KCNJ6: variants seen among roughly 807,000 people sequenced by gnomAD.
KCNJ6 encodes potassium inwardly rectifying channel subfamily J member 6.
KCNJ6 carries 9 observed loss-of-function variants against 34.2 expected under a neutral mutation model. That is an observed-to-expected ratio of 0.26 (90% CI 0.16 to 0.46). KCNJ6 has a LOEUF of 0.46. KCNJ6 is among the 20% of genes least tolerant of loss of function. The pLI is 1.00. For synonymous variants in KCNJ6, 196 were observed against 207.1 expected (o/e 0.95, Z 0.46); for missense variants, 236 against 531.3 (o/e 0.44, Z 5.46).
chr21:37,828,618 T>A (rs1030642267), intron 2 of KCNJ6, among the ~76,000 whole-genome samples: 1 of 152,352 alleles, frequency 6.6e-6, no homozygotes, highest in Admixed American at 6.5e-5. Flanking sequence ...GGTGTTTGCA[T>A]CAGTCCCGGT....
intron 2 of KCNJ6, among the ~76,000 whole-genome samples, chr21:37,794,134 C>G (rs1160138222): frequency 6.6e-6 from 1 of 152,092 alleles, no homozygotes; most frequent in Non-Finnish European, 1.5e-5. Flanking sequence ...TTCTTTTTTC[C>G]TTAACATGTA....
At chr21:37,883,359 A>T (rs1456261316) in intron 1 of KCNJ6, among the ~76,000 whole-genome samples, 1 of 152,264 alleles carries the variant, frequency 6.6e-6, no homozygotes, top group East Asian at 1.9e-4. Context: ...TTACAAAAAC[A>T]AGTGGTCTTG....
chr21:37,745,480 C>A (rs2054963290), intron 2 of KCNJ6, among the ~76,000 whole-genome samples: 1 of 151,968 alleles, frequency 6.6e-6, no homozygotes, highest in Admixed American at 6.6e-5. Context: ...GTGCAGGTGG[C>A]CTGTAGAATC....
intron 3 of KCNJ6, among the ~76,000 whole-genome samples, chr21:37,669,932 C>A (rs562576191): frequency 6.6e-6 from 1 of 152,228 alleles, no homozygotes; most frequent in East Asian, 1.9e-4. Flanking sequence ...AGCTAAGAAT[C>A]CATTGATGAA....
chr21:37,776,472 T>C lies in KCNJ6; in HGVS notation c.26-61341A>G, dbSNP rs557741810. On this transcript the variant is annotated intron_variant, in intron 2 of 3. Transcript: ENST00000609713. The stretch of plus-strand genomic sequence containing the variant: ...CAGTTTTTGCCCATTAAGTATGATA[T>C]TGGCTGTGGGTTTGTTCATAGATAG... Among the ~76,000 whole-genome samples, 110 of 119,362 alleles carry C rather than the reference T, an allele frequency of 9.2e-4. 1 individual carries two copies. The highest frequency in any genetic ancestry group is 1.5e-3 in the Non-Finnish European group (79 of 51,944). 78.3% of individuals were successfully genotyped at this position (119,362 alleles called of 152,430 possible). A position where few individuals can be genotyped will look rare whatever the true frequency, so the allele number is the denominator to read the frequency against.
chr21:37,772,259 C>T (rs1400735735), intron 2 of KCNJ6, among the ~76,000 whole-genome samples: 6 of 152,100 alleles, frequency 3.9e-5, no homozygotes, highest in African/African-American at 9.6e-5. Flanking sequence ...CAGAGCACGC[C>T]GAGACAATTT....
At chr21:37,740,697 A>G (rs2054936844) in intron 2 of KCNJ6, among the ~76,000 whole-genome samples, 1 of 152,112 alleles carries the variant, frequency 6.6e-6, no homozygotes, top group Non-Finnish European at 1.5e-5. Flanking sequence ...CTCTTCAAAT[A>G]TTTTACAGAG....
rs1335620488 is a variant in KCNJ6, at chr21:37,617,130, T to TC, written c.*8028dup. The TC allele has an allele frequency of 7.0e-5, 8 of 114,250 alleles. No homozygotes were observed. The highest frequency in any genetic ancestry group is 3.3e-4 in the East Asian group (1 of 3,072). The allele number at this position is 114,250 out of a possible 1,614,324, so 7.1% of individuals were successfully genotyped here. On this transcript the variant is annotated 3_prime_UTR_variant, in exon 4 of 4. Transcript: ENST00000609713. ...TTTCTTTCCTTCTTCCTTCCTTCCT[T>TC]CTTTCTTTCCTTCCTTCCTTCCTTC...
intron 3 of KCNJ6, among the ~76,000 whole-genome samples, chr21:37,691,738 G>A (rs757112538): frequency 3.9e-4 from 60 of 152,094 alleles, no homozygotes; most frequent in Non-Finnish European, 7.9e-4. Context: ...GAGGCCACTC[G>A]GCAGGGGTGG....
At chr21:37,788,948 A>C (rs1294660432) in intron 2 of KCNJ6, among the ~76,000 whole-genome samples, 1 of 152,194 alleles carries the variant, frequency 6.6e-6, no homozygotes, top group Non-Finnish European at 1.5e-5. Context: ...CCCCTTTAGG[A>C]AAAAAATGAC....
Position 37,610,796 on chromosome 21 carries a change from G to C in KCNJ6, c.*14363C>G, listed in dbSNP as rs1370611213. The C allele has an allele frequency of 6.6e-6, 1 of 151,802 alleles. No individual in the cohort carries two copies. Among genetic ancestry groups the C allele is most frequent in the East Asian group, 1.9e-4 (1 of 5,188 alleles). 9.4% of individuals were successfully genotyped at this position (151,802 alleles called of 1,614,324 possible). A position where few individuals can be genotyped will look rare whatever the true frequency, so the allele number is the denominator to read the frequency against. Reference sequence around the variant, plus strand: ...AGTGAAAAAATATTTTGAAATAAATGAAAATAAAAACATAGCTTATTATAA... The same window carrying C: ...AGTGAAAAAATATTTTGAAATAAATCAAAATAAAAACATAGCTTATTATAA... On this transcript the variant is annotated 3_prime_UTR_variant, in exon 4 of 4. Coordinates refer to ENST00000609713, the MANE Select transcript of KCNJ6 (RefSeq NM_002240.5).
chr21:37,638,054 C>T (rs1006445741), intron 3 of KCNJ6, among the ~76,000 whole-genome samples: 1 of 152,212 alleles, frequency 6.6e-6, no homozygotes, highest in African/African-American at 2.4e-5. Flanking sequence ...TGAGGGTTCT[C>T]ATTTAGGAGG....
At chr21:37,716,379 A>T (rs1160609386) in intron 2 of KCNJ6, among the ~76,000 whole-genome samples, 3 of 140,238 alleles carry the variant, frequency 2.1e-5, no homozygotes, top group Non-Finnish European at 3.1e-5. Flanking sequence ...AAAAGTTTAA[A>T]TTTTTTTTTT....
chr21:37,854,692 C>T (rs932874925), intron 1 of KCNJ6, among the ~76,000 whole-genome samples: 5 of 152,060 alleles, frequency 3.3e-5, no homozygotes, highest in Non-Finnish European at 7.4e-5. Context: ...ATGGATATCC[C>T]AAATACCCTG....
At chr21:37,853,846 G>GTGTGTATATATATATATATATATATATA (rs71198897) in intron 1 of KCNJ6, among the ~76,000 whole-genome samples, 13 of 115,954 alleles carry the variant, frequency 1.1e-4, no homozygotes, top group Non-Finnish European at 1.7e-4. Flanking sequence ...ATATATATAT[G>GTGTGTATATATATATATATATATATATA]TATATATATA....
intron 3 of KCNJ6, among the ~76,000 whole-genome samples, chr21:37,678,908 C>G (rs2054578812): frequency 6.6e-6 from 1 of 152,152 alleles, no homozygotes; most frequent in African/African-American, 2.4e-5. Flanking sequence ...GAGATGGAGC[C>G]TACGTTCCTT....
chr21:37,774,385 C>T (rs1260305150), intron 2 of KCNJ6, among the ~76,000 whole-genome samples: 2 of 151,906 alleles, frequency 1.3e-5, no homozygotes, highest in Non-Finnish European at 2.9e-5. Flanking sequence ...TTTTAGGGTA[C>T]ATGTGCACAA....
intron 2 of KCNJ6, among the ~76,000 whole-genome samples, chr21:37,816,151 G>A (rs895039991): frequency 6.6e-6 from 1 of 152,212 alleles, no homozygotes; most frequent in African/African-American, 2.4e-5. Flanking sequence ...GGAGTACCCA[G>A]GACTGGGGAG....
chr21:37,761,519 TTGTG>T (rs1568838850), intron 2 of KCNJ6, among the ~76,000 whole-genome samples: 2 of 147,734 alleles, frequency 1.4e-5, no homozygotes, highest in African/African-American at 2.5e-5. Flanking sequence ...ATGTGTATAT[TTGTG>T]TGTGTGGTGT....
Sources: allele counts gnomAD v4.1 joint callset (sites outside exome capture counted in the v4.1 genomes callset), GRCh38; gene constraint gnomAD v4.1.1; transcripts MANE v1.5; gene names NCBI Gene and HGNC (gene_info 2026-07-23, HGNC 2026-07-21).